Variants in NCKAP5 observed in about 807,000 individuals in gnomAD.
The protein encoded by NCKAP5 is nck-associated protein 5.
Under a neutral mutation model 167.0 loss-of-function variants are expected in NCKAP5, and 92 were observed. The ratio of observed to expected loss-of-function variants is 0.55; its 90% CI spans 0.47 to 0.66. The LOEUF is 0.66. Ranked by LOEUF, NCKAP5 falls within the 30% of genes least tolerant of loss-of-function variation. The probability of loss-of-function intolerance (pLI) is 0.00; values close to 1 mark genes in which losing one functional copy is unlikely to be tolerated. For missense variants in NCKAP5, 2,378 were observed against 2,315.0 expected, an observed-to-expected ratio of 1.03 and a Z score of -0.56; for synonymous variants, 891 against 877.4, an observed-to-expected ratio of 1.02 and a Z score of -0.27.
At chr2:133,057,873 G>C (rs985755473) in intron 6 of NCKAP5, among the ~76,000 whole-genome samples, 1 of 152,236 alleles carries the variant, frequency 6.6e-6, no homozygotes, top group Non-Finnish European at 1.5e-5. Flanking sequence ...AGCTAGAGAG[G>C]TGAAGTCAAA....
chr2:132,717,086 A>T (rs1689439275), intron 19 of NCKAP5, among the ~76,000 whole-genome samples: 1 of 152,170 alleles, frequency 6.6e-6, no homozygotes, highest in Non-Finnish European at 1.5e-5. Context: ...GAGAAATTTG[A>T]GACCCCTGGT....
At chr2:133,556,803 G>C (rs978497382) in intron 2 of NCKAP5, 1 of 152,198 alleles carries the variant, frequency 6.6e-6, no homozygotes, top group Admixed American at 6.5e-5. Flanking sequence ...TTTGGGTATG[G>C]AGAGATGGAG....
intron 16 of NCKAP5, among the ~76,000 whole-genome samples, chr2:132,741,708 C>T (rs1434909271): frequency 2.0e-5 from 3 of 152,042 alleles, no homozygotes; most frequent in African/African-American, 7.2e-5. Context: ...TCTAGAGTGC[C>T]AAATAAATGT....
chr2:133,596,464 A>G, the NCKAP5 span: 1 of 152,448 alleles, frequency 6.6e-6, no homozygotes, highest in South Asian at 2.1e-4. Context: ...AGGAACAGCA[A>G]TGGTCCAGGT....
intron 6 of NCKAP5, among the ~76,000 whole-genome samples, chr2:133,000,676 T>C (rs1177546655): frequency 6.6e-6 from 1 of 152,216 alleles, no homozygotes; most frequent in Non-Finnish European, 1.5e-5. Context: ...GTTTAAATCC[T>C]AACCCTAGTC....
At chr2:133,645,634 T>C in the NCKAP5 span, among the ~76,000 whole-genome samples, 3 of 152,132 alleles carry the variant, frequency 2.0e-5, no homozygotes, top group Non-Finnish European at 4.4e-5. Flanking sequence ...AAGTGATAAA[T>C]ACGCCTATCT....
At position 132,769,064 on chromosome 2, in the gene NCKAP5, C is replaced by T. The variant is rs578153485; in HGVS notation, c.5128+4752G>A. Among the ~76,000 whole-genome samples, 6 of 151,808 alleles carry T rather than the reference C, an allele frequency of 4.0e-5. No homozygotes were observed. The East Asian group carries it at 1.2e-3, about 30-fold the overall frequency. On this transcript the variant is annotated intron_variant, in intron 16 of 19. Coordinates refer to ENST00000409261, the MANE Select transcript of NCKAP5 (RefSeq NM_207363.3). ...AGCTCAAGCAATTCTACTGCTTCAG[C>T]ATCCCGAGTAGCTGGGACTATAGAC...
chr2:133,324,595 T>C lies in NCKAP5; in HGVS notation c.70-21485A>G, dbSNP rs1473332736. On this transcript the variant is annotated intron_variant, in intron 3 of 19. Coordinates refer to ENST00000409261, the MANE Select transcript of NCKAP5 (RefSeq NM_207363.3). ...ATTTCCTCTAAAGTTTTCACTTAGATGTCACAAAGAAGGCCTGATTTCAGC... is the reference window on the plus strand; with the variant it reads ...ATTTCCTCTAAAGTTTTCACTTAGACGTCACAAAGAAGGCCTGATTTCAGC... Among the ~76,000 whole-genome samples, 4 of 152,342 alleles carry C rather than the reference T, an allele frequency of 2.6e-5. No homozygotes were observed. In the East Asian group the frequency reaches 7.7e-4, roughly 29 times the overall value.
chr2:132,676,799 C>T (rs1684556204), intron 19 of NCKAP5, among the ~76,000 whole-genome samples: 2 of 152,048 alleles, frequency 1.3e-5, no homozygotes, highest in Admixed American at 6.6e-5. Flanking sequence ...TATATGTTTC[C>T]ATCCTCACAT....
intron 4 of NCKAP5, among the ~76,000 whole-genome samples, chr2:133,245,825 T>C (rs1316696): frequency 0.025 from 3,814 of 150,946 alleles, 158 homozygotes; most frequent in African/African-American, 0.088. Flanking sequence ...TTTATAAGTA[T>C]TGAAAAAATT....
chr2:133,131,594 A>G (rs1217165569), intron 5 of NCKAP5, among the ~76,000 whole-genome samples: 1 of 152,166 alleles, frequency 6.6e-6, no homozygotes, highest in African/African-American at 2.4e-5. Context: ...TTGCTTACTC[A>G]GGCCTGACTT....
chr2:132,951,806 G>A (rs1425303402), intron 8 of NCKAP5, among the ~76,000 whole-genome samples: 1 of 152,104 alleles, frequency 6.6e-6, no homozygotes, highest in Non-Finnish European at 1.5e-5. Flanking sequence ...AGAATGCTGT[G>A]GTTCTGTTCT....
intron 6 of NCKAP5, among the ~76,000 whole-genome samples, chr2:133,084,073 C>T (rs1020154118): frequency 6.6e-6 from 1 of 152,004 alleles, no homozygotes; most frequent in Non-Finnish European, 1.5e-5. Flanking sequence ...GGAAGGCATC[C>T]GTGGCAGAGG....
chr2:132,811,507 A>T (rs1217990207), intron 11 of NCKAP5, among the ~76,000 whole-genome samples: 1 of 152,010 alleles, frequency 6.6e-6, no homozygotes, highest in African/African-American at 2.4e-5. Context: ...AGGCTTAGTC[A>T]TGCAGGTTGT....
At chr2:133,012,271 A>C (rs908855161) in intron 6 of NCKAP5, among the ~76,000 whole-genome samples, 1 of 152,136 alleles carries the variant, frequency 6.6e-6, no homozygotes, top group African/African-American at 2.4e-5. Flanking sequence ...TTGTTGAGAC[A>C]GAGTCTTGCT....
the NCKAP5 span, among the ~76,000 whole-genome samples, chr2:133,630,931 A>G: frequency 1.3e-5 from 2 of 152,244 alleles, no homozygotes; most frequent in African/African-American, 4.8e-5. Context: ...CTGAATTATG[A>G]AAATGATCAT....
At chr2:132,796,216 C>T (rs1684593031) in intron 12 of NCKAP5, among the ~76,000 whole-genome samples, 1 of 151,926 alleles carries the variant, frequency 6.6e-6, no homozygotes, top group South Asian at 2.1e-4. Context: ...AAAGTTTTGC[C>T]AGATAAGCAC....
In NCKAP5 at chr2:132,751,420, C is replaced by T. The variant is rs145398979; in HGVS notation, c.5129-19369G>A. On this transcript the variant is annotated intron_variant, in intron 16 of 19. Coordinates refer to ENST00000409261, the MANE Select transcript of NCKAP5 (RefSeq NM_207363.3). ...ACAAGCCAAATAAACCTGTTTTCTT[C>T]GATAAATTACCCAGCACAGCCTCAG... is the stretch of plus-strand genomic sequence containing the variant. 5.9e-5 allele frequency among the ~76,000 whole-genome samples: 9 copies of T among 152,144 alleles called. No individual in the cohort carries two copies. The South Asian group carries it at 6.2e-4, about 11-fold the overall frequency.
chr2:132,874,354 C>T (rs957382007), intron 9 of NCKAP5, among the ~76,000 whole-genome samples: 6 of 152,030 alleles, frequency 3.9e-5, no homozygotes, highest in South Asian at 4.1e-4. Flanking sequence ...GTGATCCACC[C>T]GCCTTGGCCT....
Sources: gnomAD v4.1 joint callset for allele counts (sites outside exome capture counted in the v4.1 genomes callset) on GRCh38, gnomAD v4.1.1 for gene constraint, MANE v1.5 for transcripts, NCBI Gene and HGNC (gene_info 2026-07-23, HGNC 2026-07-21) for gene names.